PIK3R6: variants seen among roughly 807,000 people sequenced by gnomAD.
PIK3R6 encodes the protein phosphoinositide-3-kinase regulatory subunit 6, also known as phosphoinositide 3-kinase regulatory subunit 6.
In PIK3R6, 91 loss-of-function variants were observed where a neutral mutation model predicts 84.9. The observed-to-expected ratio is 1.07, with a 90% confidence interval of 0.90 to 1.28. PIK3R6 has a LOEUF of 1.28. Ranked by LOEUF, PIK3R6 falls within the 50% of genes most tolerant of loss-of-function variation. PIK3R6 has a pLI of 0.00. For synonymous variants in PIK3R6, 416 were observed against 411.4 expected (o/e 1.01, Z -0.13); for missense variants, 996 against 985.1 (o/e 1.01, Z -0.15).
At chr17:8,833,559 T>TTTG (rs2088337628) in intron 8 of PIK3R6, among the ~76,000 whole-genome samples, 1 of 150,702 alleles carries the variant, frequency 6.6e-6, no homozygotes, top group Non-Finnish European at 1.5e-5. Flanking sequence ...TTTTTTTTTT[T>TTTG]GAGACGGAGT....
intron 13 of PIK3R6, among the ~76,000 whole-genome samples, chr17:8,824,100 T>G (rs1320913317): frequency 6.6e-6 from 1 of 152,142 alleles, no homozygotes; most frequent in Non-Finnish European, 1.5e-5. Flanking sequence ...AGAAACCTCA[T>G]CTCTACTAAA....
rs374913677 is a variant in PIK3R6, at chr17:8,828,200, G to A, written c.1314-10C>T. On this transcript the variant is annotated splice_polypyrimidine_tract_variant and intron_variant, in intron 11 of 19. Coordinates refer to ENST00000619866, the MANE Select transcript of PIK3R6 (RefSeq NM_001010855.4). Reference sequence around the variant, plus strand: ...CTGGGTCTCCCGTTTCCTAGCAATGGGCAGCAAAGCAGAGGAGGTTAGGGG... The same window carrying A: ...CTGGGTCTCCCGTTTCCTAGCAATGAGCAGCAAAGCAGAGGAGGTTAGGGG... 1.1e-5 allele frequency: 17 copies of A among 1,613,490 alleles called. No individual in the cohort carries two copies. The highest frequency in any genetic ancestry group is 1.4e-5 in the Non-Finnish European group (16 of 1,179,552).
intron 15 of PIK3R6, 66 bp downstream of exon 15, chr17:8,822,930 G>A: frequency 2.3e-6 from 3 of 1,320,938 alleles, no homozygotes; most frequent in Non-Finnish European, 3.3e-6. Context: ...GGTGAGAGGT[G>A]GAAGGATGAG....
At chr17:8,849,164 A>G (rs1031925138) in intron 2 of PIK3R6, among the ~76,000 whole-genome samples, 2 of 151,924 alleles carry the variant, frequency 1.3e-5, no homozygotes, top group Non-Finnish European at 2.9e-5. Flanking sequence ...AAATTATATA[A>G]CCTCTCCAAG....
At chr17:8,831,365 A>AAGT (rs1447958357) in intron 9 of PIK3R6, among the ~76,000 whole-genome samples, 1 of 144,370 alleles carries the variant, frequency 6.9e-6, no homozygotes, top group Non-Finnish European at 1.5e-5. Flanking sequence ...GGCACAGGGC[A>AAGT]AGTCTGGGCA....
intron 1 of PIK3R6, among the ~76,000 whole-genome samples, chr17:8,864,147 C>G (rs2089347892): frequency 6.6e-6 from 1 of 152,160 alleles, no homozygotes; most frequent in Admixed American, 6.5e-5. Context: ...AAGATACTGT[C>G]CATTCTAGGA....
chr17:8,838,735 C>A lies in PIK3R6; in HGVS notation c.98-80G>T, dbSNP rs117173485. Reference sequence around the variant, plus strand: ...GACCCCTCTGAGCAGGACCCTGAGCCCTGGAGCCTCAGCTGCAGCTCTGAC... The same window carrying A: ...GACCCCTCTGAGCAGGACCCTGAGCACTGGAGCCTCAGCTGCAGCTCTGAC... On this transcript the variant is annotated intron_variant, in intron 3 of 19. Coordinates refer to ENST00000619866, the MANE Select transcript of PIK3R6 (RefSeq NM_001010855.4). 2,015 of 1,359,214 alleles carry A rather than the reference C, an allele frequency of 1.5e-3. 30 individuals are homozygous for A. In the East Asian group the frequency reaches 0.034, roughly 23 times the overall value. The allele number at this position is 1,359,214 out of a possible 1,614,324, so 84.2% of individuals were successfully genotyped here.
In PIK3R6 at chr17:8,828,744, A is replaced by C. The variant is rs746780519; in HGVS notation, c.1136T>G (p.Leu379Arg). The change falls in exon 11 of 20, where the codon CTG (leucine) becomes CGG (arginine). Residue 379 changes from leucine (L) to arginine (R), a missense_variant. Physicochemically the swap from Leu to Arg is moderately radical, Grantham distance 102. Coordinates refer to ENST00000619866, the MANE Select transcript of PIK3R6 (RefSeq NM_001010855.4). ...KGGIKKRAWP[L>R]DFLMPGSWDG... ...CCAGCTGCCAGGCATCAAGAAGTCCAGGGGCCATGCACGCTTCTTGATGCC... is the reference window on the plus strand; with the variant it reads ...CCAGCTGCCAGGCATCAAGAAGTCCCGGGGCCATGCACGCTTCTTGATGCC... The C allele has an allele frequency of 3.2e-5, 52 of 1,607,168 alleles. No individual in the cohort carries two copies. The highest frequency in any genetic ancestry group is 3.2e-5 in the Non-Finnish European group (38 of 1,176,614).
intron 1 of PIK3R6, among the ~76,000 whole-genome samples, chr17:8,857,615 G>A (rs2089173200): frequency 6.6e-6 from 1 of 152,228 alleles, no homozygotes; most frequent in African/African-American, 2.4e-5. Context: ...GGCAAATGGA[G>A]AGTGCTTCTG....
chr17:8,827,733 G>C (rs2087972519), intron 12 of PIK3R6, among the ~76,000 whole-genome samples: 1 of 126,028 alleles, frequency 7.9e-6, no homozygotes. Context: ...TGAGAGAGGG[G>C]AGGGAAGGGG....
intron 18 of PIK3R6, among the ~76,000 whole-genome samples, chr17:8,811,770 C>A (rs934770690): frequency 6.7e-6 from 1 of 148,172 alleles, no homozygotes; most frequent in Non-Finnish European, 1.5e-5. Context: ...ACATTTTGGG[C>A]AAAACCATTC....
chr17:8,803,030 C>G lies in PIK3R6; in HGVS notation c.*243G>C. 1 of 512,574 alleles carries G rather than the reference C, an allele frequency of 2.0e-6. No individual in the cohort carries two copies. The highest frequency in any genetic ancestry group is 3.5e-6 in the Non-Finnish European group (1 of 288,916). 31.8% of individuals were successfully genotyped at this position (512,574 alleles called of 1,614,324 possible). ...AAGGAGTAGACATTTGTATGAGAAG[C>G]TGGGCTTGGTGTGTATGTTCTCAAG... On this transcript the variant is annotated 3_prime_UTR_variant, in exon 20 of 20. Coordinates refer to ENST00000619866, the MANE Select transcript of PIK3R6 (RefSeq NM_001010855.4). The surrounding 1 kb of genome is among the most constrained non-coding windows in gnomAD (Gnocchi z 5.0).
intron 1 of PIK3R6, among the ~76,000 whole-genome samples, chr17:8,863,529 G>A (rs2089329204): frequency 6.6e-6 from 1 of 151,430 alleles, no homozygotes; most frequent in Admixed American, 6.6e-5. Context: ...CAACCCCCAA[G>A]TGTGTGTGTG....
At chr17:8,848,910 C>T (rs1311278735) in intron 2 of PIK3R6, among the ~76,000 whole-genome samples, 2 of 152,172 alleles carry the variant, frequency 1.3e-5, no homozygotes, top group Non-Finnish European at 2.9e-5. Flanking sequence ...CTGACCCTGC[C>T]TAGGGGATGC....
rs759372906 is a variant in PIK3R6 at position 8,867,637 on chromosome 17, C to T, written c.-200G>A. On this transcript the variant is annotated 5_prime_UTR_variant, in exon 1 of 20. It adds an upstream start codon to the 5' untranslated region. Coordinates refer to ENST00000619866, the MANE Select transcript of PIK3R6 (RefSeq NM_001010855.4). Reference sequence around the variant, plus strand: ...AGCAGATGTCTTGGGGGAGCCTCCACGGGTGTCTGTGGTCTTGACTGTGCT... The same window carrying T: ...AGCAGATGTCTTGGGGGAGCCTCCATGGGTGTCTGTGGTCTTGACTGTGCT... 13 of 494,266 alleles carry T rather than the reference C, an allele frequency of 2.6e-5. No homozygotes were observed. The highest frequency in any genetic ancestry group is 1.4e-4 in the African/African-American group (7 of 51,630). 30.6% of individuals were successfully genotyped at this position (494,266 alleles called of 1,614,324 possible). A position where few individuals can be genotyped will look rare whatever the true frequency, so the allele number is the denominator to read the frequency against.
At chr17:8,845,580 C>A (rs893936702) in intron 2 of PIK3R6, among the ~76,000 whole-genome samples, 1 of 152,130 alleles carries the variant, frequency 6.6e-6, no homozygotes, top group Non-Finnish European at 1.5e-5. Context: ...GGAATGCATA[C>A]TTTGTGAATA....
intron 1 of PIK3R6, among the ~76,000 whole-genome samples, chr17:8,860,423 G>C (rs1008640073): frequency 2.0e-5 from 3 of 151,912 alleles, no homozygotes; most frequent in Non-Finnish European, 4.4e-5. Flanking sequence ...GTTTCATCCC[G>C]AATCCATCCC....
intron 7 of PIK3R6, among the ~76,000 whole-genome samples, chr17:8,835,817 G>A (rs1176248683): frequency 6.6e-6 from 1 of 152,076 alleles, no homozygotes; most frequent in African/African-American, 2.4e-5. Flanking sequence ...TGCCAGAACT[G>A]GAGTTCTGAA....
At chr17:8,814,939 A>C (rs960958664) in intron 18 of PIK3R6, among the ~76,000 whole-genome samples, 1 of 152,148 alleles carries the variant, frequency 6.6e-6, no homozygotes. Context: ...AAGAAAAAAA[A>C]GTCTCATACA....
Sources: gnomAD v4.1 joint callset for allele counts (sites outside exome capture counted in the v4.1 genomes callset) on GRCh38, gnomAD v4.1.1 for gene constraint, Gnocchi (gnomAD v3.1) non-coding constraint, MANE v1.5 for transcripts, NCBI Gene and HGNC (gene_info 2026-07-23, HGNC 2026-07-21) for gene names.